SLC2A3: variants seen among roughly 807,000 people sequenced by gnomAD.
SLC2A3 encodes the protein solute carrier family 2, facilitated glucose transporter member 3.
A neutral mutation model predicts 46.4 loss-of-function variants in SLC2A3; 21 were observed. The observed-to-expected ratio is 0.45, with a 90% CI of 0.32 to 0.65. SLC2A3 has a LOEUF of 0.65. Among genes scored for constraint, SLC2A3 ranks in the 30% least tolerant of loss-of-function variants. The probability of loss-of-function intolerance (pLI) is 0.04; values close to 1 mark genes in which losing one functional copy is unlikely to be tolerated. For missense variants in SLC2A3, 499 were observed against 623.3 expected, an observed-to-expected ratio of 0.80 and a Z score of 2.12; for synonymous variants, 213 against 239.4, an observed-to-expected ratio of 0.89 and a Z score of 1.02.
chr12:7,932,159 CG>C (rs1165187529), intron 3 of SLC2A3, among the ~76,000 whole-genome samples: 3 of 150,794 alleles, frequency 2.0e-5, no homozygotes, highest in African/African-American at 4.9e-5. Flanking sequence ...GGATTACAGG[CG>C]TGAGCCACGG....
rs1239229202 is a variant in SLC2A3 at position 7,932,989 on chromosome 12, G to A, written c.267C>T (p.Gly89=). 2 of 1,613,974 alleles carry A rather than the reference G, an allele frequency of 1.2e-6. No homozygotes were observed. Among genetic ancestry groups the A allele is most frequent in the Non-Finnish European group, 1.7e-6 (2 of 1,179,952 alleles). The part of the protein sequence containing the change: ...FSVGLFVNRF[G]RRNSMLIVNL... The stretch of plus-strand genomic sequence containing the variant: ...CTTGCCCAGTTTCTAGTCAATACCT[G>A]CCAAAGCGGTTGACGAAGAGTCCGA... Residue 89 remains glycine, a splice_region_variant and synonymous_variant, in exon 3 of 10, where the codon GGC becomes GGT. Coordinates refer to ENST00000075120, the MANE Select transcript of SLC2A3 (RefSeq NM_006931.3).
chr12:7,932,972 G>T lies in SLC2A3; in HGVS notation c.269+15C>A. On this transcript the variant is annotated intron_variant, in intron 3 of 9. Transcript: ENST00000075120. Reference sequence around the variant, plus strand: ...CTGGTAGAGCCCACTTCCTTGCCCAGTTTCTAGTCAATACCTGCCAAAGCG... The same window carrying T: ...CTGGTAGAGCCCACTTCCTTGCCCATTTTCTAGTCAATACCTGCCAAAGCG... 1 of 1,613,680 alleles carries T rather than the reference G, an allele frequency of 6.2e-7. No homozygotes were observed. The highest frequency in any genetic ancestry group is 1.1e-5 in the South Asian group (1 of 91,060).
In SLC2A3 at chr12:7,921,162, A is replaced by C. The variant is rs1329307974; in HGVS notation, c.*251T>G. ...AAAGTTGTCATGTGCCAAGCGGCCA[A>C]TCCCTCCTGAAATGAAGGTAGGTTC... On this transcript the variant is annotated 3_prime_UTR_variant, in exon 10 of 10. Transcript: ENST00000075120. 1.2e-6 allele frequency: 1 copy of C among 802,588 alleles called. No individual in the cohort carries two copies. Among genetic ancestry groups the C allele is most frequent in the Non-Finnish European group, 2.0e-6 (1 of 508,318 alleles). 49.7% of individuals were successfully genotyped at this position (802,588 alleles called of 1,614,324 possible).
chr12:7,933,440 A>T, intron 2 of SLC2A3: 3 of 493,990 alleles, frequency 6.1e-6, no homozygotes. Flanking sequence ...GATGTGCATC[A>T]CTATGAGGTG....
chr12:7,933,621 CA>C (rs765844623), intron 2 of SLC2A3, 188 bp downstream of exon 2: 5 of 592,636 alleles, frequency 8.4e-6, no homozygotes, highest in Non-Finnish European at 1.5e-5. Context: ...GAGGGACCCT[CA>C]CTAACTGTGT....
chr12:7,935,367 G>A (rs1393229975), intron 1 of SLC2A3, among the ~76,000 whole-genome samples: 2 of 152,080 alleles, frequency 1.3e-5, no homozygotes, highest in African/African-American at 4.8e-5. Flanking sequence ...CAGGAGAATC[G>A]CTTGAACCCG....
In SLC2A3 at chr12:7,930,517, C is replaced by T; in HGVS notation, c.636G>A (p.Leu212=). The change falls in exon 5 of 10, where the codon TTG becomes TTA. Residue 212 remains leucine (L), a synonymous_variant. Coordinates refer to ENST00000075120, the MANE Select transcript of SLC2A3 (RefSeq NM_006931.3). ...LPFCPESPRF[L]LINRKEEENA... is the part of the protein sequence containing the mutation. ...TCTCCTCTTCTTTTCTGTTAATGAG[C>T]AAAAATCTGGGACTTTCAGGGCAAA... 6.2e-7 allele frequency: 1 copy of T among 1,613,676 alleles called. No individual in the cohort carries two copies. Among genetic ancestry groups the T allele is most frequent in the East Asian group, 2.2e-5 (1 of 44,874 alleles).
chr12:7,926,720 C>T (rs1384102508), intron 6 of SLC2A3, among the ~76,000 whole-genome samples: 3 of 152,086 alleles, frequency 2.0e-5, no homozygotes, highest in African/African-American at 4.8e-5. Flanking sequence ...ATAGGGACAT[C>T]GATGTCTCAA....
chr12:7,926,187 ATTCAAGCGATTC>A (rs1480294296), intron 6 of SLC2A3, among the ~76,000 whole-genome samples: 1 of 152,050 alleles, frequency 6.6e-6, no homozygotes, highest in Non-Finnish European at 1.5e-5. Context: ...CACCTCCCAG[ATTCAAGCGATTC>A]TCCTGCCTCA....
rs1484265927 is a variant in SLC2A3 at position 7,931,200 on chromosome 12, A to G, written c.510+45T>C. On this transcript the variant is annotated intron_variant, in intron 4 of 9. Transcript: ENST00000075120. ...TTTACCTATGTTAACTTTTTTAATG[A>G]CCCATGAAACTAACACTCATTAAGT... 5 of 1,603,700 alleles carry G rather than the reference A, an allele frequency of 3.1e-6. No homozygotes were observed. The Admixed American group carries it at 8.6e-5, about 28-fold the overall frequency.
intron 9 of SLC2A3, 112 bp from the exon 10 acceptor site, chr12:7,921,743 T>G (rs1216919905): frequency 1.7e-6 from 2 of 1,189,762 alleles, no homozygotes; most frequent in Non-Finnish European, 2.3e-6. Context: ...CCCTTCCATA[T>G]TTAATGAAAA....
intron 7 of SLC2A3, 43 bp downstream of exon 7, chr12:7,925,801 G>C (rs1313097999): frequency 7.0e-7 from 1 of 1,434,528 alleles, no homozygotes; most frequent in Admixed American, 1.7e-5. Flanking sequence ...TCTGTAGCAA[G>C]GATTCTTTTC....
chr12:7,922,224 C>G (rs114790435), intron 9 of SLC2A3, among the ~76,000 whole-genome samples: 1 of 151,808 alleles, frequency 6.6e-6, no homozygotes, highest in Non-Finnish European at 1.5e-5. Flanking sequence ...CCACGACACC[C>G]GGCCTAATTT....
At chr12:7,927,989 C>T (rs1308153391) in intron 6 of SLC2A3, among the ~76,000 whole-genome samples, 1 of 151,966 alleles carries the variant, frequency 6.6e-6, no homozygotes, top group Non-Finnish European at 1.5e-5. Flanking sequence ...GTAATCCCAC[C>T]TGTAATCTCG....
intron 7 of SLC2A3, chr12:7,925,641 T>C: frequency 1.8e-6 from 1 of 544,836 alleles, no homozygotes; most frequent in Non-Finnish European, 3.3e-6. Flanking sequence ...TATAGTCCCT[T>C]CTATACTCCC....
chr12:7,926,192 A>G (rs1043435673), intron 6 of SLC2A3, among the ~76,000 whole-genome samples: 1 of 152,074 alleles, frequency 6.6e-6, no homozygotes, highest in Non-Finnish European at 1.5e-5. Flanking sequence ...CCCAGATTCA[A>G]GCGATTCTCC....
intron 7 of SLC2A3, 137 bp downstream of exon 7, chr12:7,925,707 A>G: frequency 1.4e-6 from 1 of 695,546 alleles, no homozygotes; most frequent in Non-Finnish European, 2.5e-6. Context: ...TCCAACATTA[A>G]ATTTATCTCT....
intron 8 of SLC2A3, among the ~76,000 whole-genome samples, chr12:7,923,838 A>T (rs2377238): frequency 7.9e-4 from 118 of 150,032 alleles, no homozygotes; most frequent in African/African-American, 2.6e-3. Context: ...GCACCATCTC[A>T]ACTTACCACA....
Position 7,931,227 on chromosome 12 carries a change from T to G in SLC2A3, c.510+18A>C. 6.2e-7 allele frequency: 1 copy of G among 1,613,942 alleles called. No individual in the cohort carries two copies. Among genetic ancestry groups the G allele is most frequent in the Non-Finnish European group, 8.5e-7 (1 of 1,179,898 alleles). On this transcript the variant is annotated intron_variant, in intron 4 of 9. Coordinates refer to ENST00000075120, the MANE Select transcript of SLC2A3 (RefSeq NM_006931.3). ...CCATGAAACTAACACTCATTAAGTA[T>G]GAGAAGTTCTAGAGTACCTGGGCCA...
Sources: allele counts gnomAD v4.1 joint callset (sites outside exome capture counted in the v4.1 genomes callset), GRCh38; gene constraint gnomAD v4.1.1; transcripts MANE v1.5; gene names NCBI Gene and HGNC (gene_info 2026-07-23, HGNC 2026-07-21).